Variants in CDH18 observed in about 807,000 individuals in gnomAD.
CDH18 encodes cadherin-18.
Under a neutral mutation model 67.9 loss-of-function variants are expected in CDH18, and 31 were observed. The ratio of observed to expected loss-of-function variants is 0.46; its 90% CI spans 0.34 to 0.62. The LOEUF (loss-of-function observed/expected upper bound fraction) is 0.62. Ranked by LOEUF, CDH18 falls within the 20% of genes least tolerant of loss-of-function variation. CDH18 has a pLI of 0.01. For missense variants in CDH18, 890 were observed against 975.5 expected, an observed-to-expected ratio of 0.91 and a Z score of 1.17; for synonymous variants, 362 against 347.2, an observed-to-expected ratio of 1.04 and a Z score of -0.48.
At chr5:19,733,123 C>T (rs1017461083) in intron 4 of CDH18, among the ~76,000 whole-genome samples, 1 of 152,086 alleles carries the variant, frequency 6.6e-6, no homozygotes, top group Admixed American at 6.6e-5. Context: ...CCTAGGCATA[C>T]CAGGGGTGGG....
At chr5:20,027,455 T>C (rs1032370816) in intron 2 of CDH18, among the ~76,000 whole-genome samples, 4 of 152,300 alleles carry the variant, frequency 2.6e-5, no homozygotes, top group East Asian at 3.9e-4. Flanking sequence ...GGTGACAAAG[T>C]TGAGAAGTGA....
chr5:20,151,777 C>A (rs528152983), intron 2 of CDH18, among the ~76,000 whole-genome samples: 2 of 152,012 alleles, frequency 1.3e-5, no homozygotes, highest in South Asian at 4.2e-4. Flanking sequence ...AAGGAAGATG[C>A]AATACTTTAT....
At chr5:19,719,950 AAAGAAAG>A (rs1765850448) in intron 5 of CDH18, among the ~76,000 whole-genome samples, 1 of 151,712 alleles carries the variant, frequency 6.6e-6, no homozygotes, top group South Asian at 2.1e-4. Flanking sequence ...AGAAAGAAAG[AAAGAAAG>A]AAGGAAAGAG....
At chr5:20,499,677 T>C (rs1168958250) in intron 1 of CDH18, among the ~76,000 whole-genome samples, 1 of 152,134 alleles carries the variant, frequency 6.6e-6, no homozygotes, top group Admixed American at 6.6e-5. Context: ...AAACTTAGCT[T>C]TGCCTTATCA....
chr5:20,521,005 G>A (rs1755709451), intron 1 of CDH18, among the ~76,000 whole-genome samples: 1 of 152,088 alleles, frequency 6.6e-6, no homozygotes, highest in Non-Finnish European at 1.5e-5. Flanking sequence ...TGTGTGTTCT[G>A]AAATGGGACT....
At chr5:20,398,604 G>A (rs894830975) in intron 1 of CDH18, among the ~76,000 whole-genome samples, 1 of 152,088 alleles carries the variant, frequency 6.6e-6, no homozygotes, top group African/African-American at 2.4e-5. Flanking sequence ...AAACCACCAT[G>A]GCACATGTAT....
At chr5:19,521,628 T>C (rs559839457) in intron 9 of CDH18, among the ~76,000 whole-genome samples, 1 of 152,152 alleles carries the variant, frequency 6.6e-6, no homozygotes, top group South Asian at 2.1e-4. Context: ...GATACAACAA[T>C]ATTGGGAAAA....
At chr5:19,805,104 A>C (rs75711325) in intron 3 of CDH18, among the ~76,000 whole-genome samples, 1 of 151,602 alleles carries the variant, frequency 6.6e-6, no homozygotes, top group African/African-American at 2.4e-5. Flanking sequence ...ACACCACCAC[A>C]CCTGGCTAAT....
intron 2 of CDH18, among the ~76,000 whole-genome samples, chr5:19,944,166 C>G (rs142997387): frequency 6.6e-6 from 1 of 152,074 alleles, no homozygotes; most frequent in South Asian, 2.1e-4. Flanking sequence ...TTTCCCACTA[C>G]TCCTCTGGTT....
In CDH18 at chr5:19,983,901, T is replaced by C. The variant is rs142749596; in HGVS notation, c.-375-2723A>G. ...AATAAATAGTATATCTATGCAACCA[T>C]ATGCAATAATCAAAATGCATAATAC... On this transcript the variant is annotated intron_variant, in intron 1 of 12. Coordinates refer to ENST00000382275, the MANE Select transcript of CDH18 (RefSeq NM_004934.5). Among the ~76,000 whole-genome samples the C allele has an allele frequency of 1.2e-4, 18 of 152,318 alleles. No individual in the cohort carries two copies. In the East Asian group the frequency reaches 3.1e-3, roughly 26 times the overall value.
chr5:19,843,288 G>A (rs144737591), intron 2 of CDH18, among the ~76,000 whole-genome samples: 2,606 of 152,254 alleles, frequency 0.017, 68 homozygotes, highest in African/African-American at 0.058. Context: ...GGTACCCTGC[G>A]TCTCAGCCAT....
intron 2 of CDH18, among the ~76,000 whole-genome samples, chr5:20,245,210 C>T (rs532824707): frequency 1.3e-5 from 2 of 152,160 alleles, no homozygotes; most frequent in South Asian, 2.1e-4. Flanking sequence ...CTGGATACAC[C>T]ATTTCTGAAA....
At chr5:20,070,881 G>A (rs1743424102) in intron 2 of CDH18, among the ~76,000 whole-genome samples, 1 of 152,008 alleles carries the variant, frequency 6.6e-6, no homozygotes, top group Non-Finnish European at 1.5e-5. Flanking sequence ...TCAATTATTG[G>A]GCTAGCAGTT....
At chr5:19,877,131 T>A (rs1262496538) in intron 2 of CDH18, among the ~76,000 whole-genome samples, 1 of 152,132 alleles carries the variant, frequency 6.6e-6, no homozygotes, top group Non-Finnish European at 1.5e-5. Context: ...ACTTGGAGAT[T>A]TGCCTTTTAG....
At chr5:20,557,070 T>A (rs1269056247) in intron 1 of CDH18, among the ~76,000 whole-genome samples, 1 of 152,116 alleles carries the variant, frequency 6.6e-6, no homozygotes. Flanking sequence ...AAAGACTAAA[T>A]AGACTATTTC....
intron 2 of CDH18, among the ~76,000 whole-genome samples, chr5:19,917,767 G>A (rs955285836): frequency 6.6e-6 from 1 of 152,172 alleles, no homozygotes; most frequent in African/African-American, 2.4e-5. Context: ...GTAACTCGAA[G>A]AGTGTTTTGA....
chr5:20,414,087 G>C (rs1747058331), intron 1 of CDH18, among the ~76,000 whole-genome samples: 2 of 152,170 alleles, frequency 1.3e-5, no homozygotes, highest in Non-Finnish European at 2.9e-5. Flanking sequence ...CTTATGTACT[G>C]TTACTGGAGA....
chr5:20,513,104 G>T (rs891949189), intron 1 of CDH18, among the ~76,000 whole-genome samples: 10 of 151,982 alleles, frequency 6.6e-5, no homozygotes, highest in African/African-American at 2.4e-4. Context: ...ATGAATGAAG[G>T]CCATAGATAT....
chr5:20,415,452 C>G (rs1052508232), intron 1 of CDH18, among the ~76,000 whole-genome samples: 6 of 152,060 alleles, frequency 3.9e-5, no homozygotes, highest in African/African-American at 1.4e-4. Flanking sequence ...TACATACATA[C>G]AGTGGAATAT....
Sources: gnomAD v4.1 joint callset for allele counts (sites outside exome capture counted in the v4.1 genomes callset) on GRCh38, gnomAD v4.1.1 for gene constraint, MANE v1.5 for transcripts, NCBI Gene and HGNC (gene_info 2026-07-23, HGNC 2026-07-21) for gene names.